The following ZNG1B variants were observed in gnomAD, a reference collection of about 807,000 sequenced individuals.
The protein encoded by ZNG1B is zinc-regulated GTPase metalloprotein activator 1B.
the ZNG1B span, among the ~76,000 whole-genome samples, chr2:113,450,571 G>C: frequency 7.3e-6 from 1 of 136,792 alleles, no homozygotes; most frequent in Non-Finnish European, 1.5e-5. Context: ...TCATTATGAT[G>C]AAGTTGTTGG....
chr2:113,450,385 A>G, the ZNG1B span, among the ~76,000 whole-genome samples: 3 of 148,862 alleles, frequency 2.0e-5, no homozygotes, highest in Admixed American at 2.0e-4. Flanking sequence ...TTTGTCAATA[A>G]TTCTGTTTTC....
the ZNG1B span, among the ~76,000 whole-genome samples, chr2:113,459,904 A>T: frequency 2.1e-5 from 2 of 93,850 alleles, no homozygotes; most frequent in Admixed American, 2.6e-4. Flanking sequence ...TATGAGGGGG[A>T]AAAAAAAAAC....
chr2:113,438,947 A>T, the ZNG1B span: 1 of 1,531,750 alleles, frequency 6.5e-7, no homozygotes, highest in Non-Finnish European at 8.8e-7. Context: ...AACTTTGTAG[A>T]CTGTAAGTTT....
chr2:113,449,271 T>C, the ZNG1B span, among the ~76,000 whole-genome samples: 2 of 151,854 alleles, frequency 1.3e-5, no homozygotes, highest in Non-Finnish European at 2.9e-5. Context: ...TTTACTGGAG[T>C]AGCACTTTTA....
chr2:113,438,648 A>G, the ZNG1B span, among the ~76,000 whole-genome samples: 1 of 151,812 alleles, frequency 6.6e-6, no homozygotes, highest in African/African-American at 2.4e-5. Context: ...ACTCGAAACC[A>G]CAAGTTTGTG....
the ZNG1B span, chr2:113,464,978 G>A: frequency 5.0e-6 from 2 of 404,024 alleles, no homozygotes; most frequent in Non-Finnish European, 4.5e-6. Context: ...TTTAAAGCAA[G>A]TTTTGTTTTT....
chr2:113,492,233 C>T, the ZNG1B span, among the ~76,000 whole-genome samples: 2 of 140,110 alleles, frequency 1.4e-5, 1 homozygote, highest in African/African-American at 5.1e-5. Context: ...AACGTGGAAG[C>T]AACCCAAATG....
chr2:113,481,975 G>A, the ZNG1B span: 3 of 870,194 alleles, frequency 3.4e-6, no homozygotes, highest in Non-Finnish European at 5.1e-6. Context: ...GAATGTGTGG[G>A]TTTTTTTTAA....
the ZNG1B span, among the ~76,000 whole-genome samples, chr2:113,487,082 C>T: frequency 6.6e-6 from 1 of 151,838 alleles, no homozygotes; most frequent in African/African-American, 2.4e-5. Flanking sequence ...TAAGTATAGT[C>T]ATGCACCGCA....
chr2:113,438,448 G>T, the ZNG1B span, among the ~76,000 whole-genome samples: 3 of 152,136 alleles, frequency 2.0e-5, no homozygotes, highest in Admixed American at 6.5e-5. Flanking sequence ...TGCCCGACAC[G>T]TGGGGCTTTC....
chr2:113,443,529 T>G, the ZNG1B span, among the ~76,000 whole-genome samples: 1 of 146,722 alleles, frequency 6.8e-6, no homozygotes, highest in African/African-American at 2.6e-5. Context: ...AAGGAGGAAG[T>G]AGGTATGTTT....
At chr2:113,447,283 TAAAAAAA>T in the ZNG1B span, 1 of 160,068 alleles carries the variant, frequency 6.2e-6, no homozygotes, top group Non-Finnish European at 1.2e-5. Flanking sequence ...CCCCATTTCT[TAAAAAAA>T]AAAAAAAAAG....
the ZNG1B span, among the ~76,000 whole-genome samples, chr2:113,448,162 A>G: frequency 0.02 from 3,013 of 151,786 alleles, 80 homozygotes; most frequent in African/African-American, 0.069. Context: ...AGTCAAAGTT[A>G]CTCCTTGATC....
chr2:113,437,711 T>A, the ZNG1B span: 2 of 1,517,996 alleles, frequency 1.3e-6, no homozygotes, highest in East Asian at 4.6e-5. Flanking sequence ...GCGCTTCTCG[T>A]CCAGAGCCCA....
At chr2:113,468,014 G>A in the ZNG1B span, among the ~76,000 whole-genome samples, 4 of 151,960 alleles carry the variant, frequency 2.6e-5, no homozygotes, top group African/African-American at 9.7e-5. Flanking sequence ...TTGGGAGGTA[G>A]ATTCAATGTG....
chr2:113,461,596 A>G, the ZNG1B span, among the ~76,000 whole-genome samples: 1 of 151,840 alleles, frequency 6.6e-6, no homozygotes, highest in Non-Finnish European at 1.5e-5. Context: ...GAAAATTGAA[A>G]GAATTTCCAG....
chr2:113,439,147 T>C, the ZNG1B span: 5 of 1,401,938 alleles, frequency 3.6e-6, 1 homozygote, highest in South Asian at 5.2e-5. Flanking sequence ...GAGAAAATGA[T>C]CTGAAGCTCA....
the ZNG1B span, among the ~76,000 whole-genome samples, chr2:113,481,085 ATTT>A: frequency 0.069 from 8,088 of 117,506 alleles, 341 homozygotes; most frequent in African/African-American, 0.15. Flanking sequence ...TCGTTGTTAG[ATTT>A]TTTTTTTTTT....
the ZNG1B span, among the ~76,000 whole-genome samples, chr2:113,452,261 A>G: frequency 6.6e-6 from 1 of 152,076 alleles, no homozygotes; most frequent in African/African-American, 2.4e-5. Context: ...TAATCACTGT[A>G]AACAGCTGAC....
Sources: gnomAD v4.1 joint callset for allele counts (sites outside exome capture counted in the v4.1 genomes callset) on GRCh38, gnomAD v4.1.1 for gene constraint, MANE v1.5 for transcripts, NCBI Gene and HGNC (gene_info 2026-07-23, HGNC 2026-07-21) for gene names.